Variants in PRKN observed in about 807,000 individuals in gnomAD.
PRKN encodes parkin RBR E3 ubiquitin protein ligase, also known as E3 ubiquitin-protein ligase parkin.
Under a neutral mutation model 59.5 loss-of-function variants are expected in PRKN, and 56 were observed. The ratio of observed to expected loss-of-function variants is 0.94; its 90% CI spans 0.76 to 1.18. PRKN has a LOEUF of 1.18. Among genes scored for constraint, PRKN ranks in the 50% most tolerant of loss-of-function variants. The pLI is 0.00. For synonymous variants in PRKN, 250 were observed against 222.1 expected, an observed-to-expected ratio of 1.13 and a Z score of -1.12; for missense variants, 657 against 596.4, an observed-to-expected ratio of 1.10 and a Z score of -1.06.
intron 3 of PRKN, among the ~76,000 whole-genome samples, chr6:162,229,386 C>G (rs1215704730): frequency 2.0e-5 from 3 of 152,190 alleles, no homozygotes; most frequent in Non-Finnish European, 4.4e-5. Flanking sequence ...GACCACCTCT[C>G]ACCACCTTCA....
At position 162,056,003 on chromosome 6, in the gene PRKN, ACACAGGCATGCACG is replaced by A. The variant is rs1777845610; in HGVS notation, c.535-1843_535-1830del. Among the ~76,000 whole-genome samples, 3 of 38,250 alleles carry A rather than the reference ACACAGGCATGCACG, an allele frequency of 7.8e-5. No individual in the cohort carries two copies. The highest frequency in any genetic ancestry group is 5.8e-4 in the Admixed American group (1 of 1,724). The allele number at this position is 38,250 out of a possible 152,430, so 25.1% of individuals were successfully genotyped here. ...ACCACACACACTCAGGCATGCACGC[ACACAGGCATGCACG>A]CACACAGCATGCCACACACCACACA... On this transcript the variant is annotated intron_variant, in intron 4 of 11. Coordinates refer to ENST00000366898, the MANE Select transcript of PRKN (RefSeq NM_004562.3). The surrounding 1 kb of genome is among the most constrained non-coding windows in gnomAD (Gnocchi z 4.9).
Position 161,552,539 on chromosome 6 carries a change from CT to C in PRKN, c.934-3537del, listed in dbSNP as rs1780066599. ...CTGCATCACCGAACTGCTCAACCTA[CT>C]TTTTTGTCTTGACCTGTCCAAATCC... On this transcript the variant is annotated intron_variant, in intron 8 of 11. Transcript: ENST00000366898. The surrounding 1 kb of genome is among the most constrained non-coding windows in gnomAD (Gnocchi z 4.9). Among the ~76,000 whole-genome samples, 1 of 151,964 alleles carries C rather than the reference CT, an allele frequency of 6.6e-6. No individual in the cohort carries two copies. The highest frequency in any genetic ancestry group is 2.1e-4 in the South Asian group (1 of 4,820).
chr6:161,833,244 G>A (rs1583222348), intron 6 of PRKN, among the ~76,000 whole-genome samples: 1 of 151,994 alleles, frequency 6.6e-6, no homozygotes, highest in Non-Finnish European at 1.5e-5. Context: ...TCCCTGGAAT[G>A]GGGCACCGCC....
At chr6:161,805,934 C>T (rs980226685) in intron 6 of PRKN, among the ~76,000 whole-genome samples, 2 of 152,208 alleles carry the variant, frequency 1.3e-5, no homozygotes, top group Admixed American at 6.5e-5. Context: ...TGCCTGTCAG[C>T]AGCTCTGCTT....
chr6:162,085,440 C>T lies in PRKN; in HGVS notation c.535-31266G>A, dbSNP rs141450485. Among the ~76,000 whole-genome samples, 40 of 152,138 alleles carry T rather than the reference C, an allele frequency of 2.6e-4. No homozygotes were observed. The East Asian group carries it at 6.4e-3, about 24-fold the overall frequency. On this transcript the variant is annotated intron_variant, in intron 4 of 11. Transcript: ENST00000366898. ...TATTGAAATGATTTTCATGCATCTA[C>T]TGTGTGTTAAACTTTGTATTAAATG...
intron 7 of PRKN, among the ~76,000 whole-genome samples, chr6:161,765,671 G>A (rs893545544): frequency 6.6e-6 from 1 of 152,046 alleles, no homozygotes; most frequent in Non-Finnish European, 1.5e-5. Flanking sequence ...TGTGATGATG[G>A]TGGTGGTATT....
intron 1 of PRKN, among the ~76,000 whole-genome samples, chr6:162,514,880 T>C (rs1262414331): frequency 6.6e-6 from 1 of 152,172 alleles, no homozygotes; most frequent in Non-Finnish European, 1.5e-5. Flanking sequence ...AATCTATTCA[T>C]GTAGTATAAG....
chr6:161,421,512 A>G (rs1209739795), intron 9 of PRKN, among the ~76,000 whole-genome samples: 2 of 152,152 alleles, frequency 1.3e-5, no homozygotes, highest in Non-Finnish European at 2.9e-5. Flanking sequence ...GTGGATAGAG[A>G]GTATGTTGTA....
Position 162,536,107 on chromosome 6 carries a change from A to G in PRKN, c.8-92634T>C, listed in dbSNP as rs1305505075. 2.0e-5 allele frequency among the ~76,000 whole-genome samples: 3 copies of G among 152,112 alleles called. No homozygotes were observed. The East Asian group carries it at 5.8e-4, about 29-fold the overall frequency. On this transcript the variant is annotated intron_variant, in intron 1 of 11. Coordinates refer to ENST00000366898, the MANE Select transcript of PRKN (RefSeq NM_004562.3). ...ACTGTTCCCAAAGCTTTCTGCTTAC[A>G]ACTTAAGGCCAAACCAAAGAGCCGT...
chr6:162,554,445 T>A (rs781242118), intron 1 of PRKN, among the ~76,000 whole-genome samples: 27 of 152,100 alleles, frequency 1.8e-4, no homozygotes, highest in Non-Finnish European at 3.8e-4. Flanking sequence ...GAGTTTGCAG[T>A]GAGCCGAGAT....
intron 1 of PRKN, among the ~76,000 whole-genome samples, chr6:162,657,461 A>AT (rs1292840844): frequency 6.6e-6 from 1 of 152,172 alleles, no homozygotes; most frequent in Non-Finnish European, 1.5e-5. Flanking sequence ...GTTTTATTAC[A>AT]TTCATTTAAT....
chr6:161,570,055 A>C (rs929001299), intron 7 of PRKN, among the ~76,000 whole-genome samples: 14 of 149,504 alleles, frequency 9.4e-5, no homozygotes, highest in Non-Finnish European at 1.5e-5. Context: ...CGTTCCACCC[A>C]ATCAATCCAA....
intron 2 of PRKN, among the ~76,000 whole-genome samples, chr6:162,345,013 C>T (rs760385358): frequency 2.0e-5 from 3 of 152,128 alleles, no homozygotes; most frequent in Non-Finnish European, 2.9e-5. Context: ...AGGACAAGAC[C>T]GCAGCTCCAC....
At chr6:162,465,183 G>T (rs1791359937) in intron 1 of PRKN, among the ~76,000 whole-genome samples, 1 of 152,208 alleles carries the variant, frequency 6.6e-6, no homozygotes, top group Non-Finnish European at 1.5e-5. Flanking sequence ...CAGTGAAGTG[G>T]TGAAATCAAC....
intron 2 of PRKN, among the ~76,000 whole-genome samples, chr6:162,388,583 G>C (rs144265735): frequency 6.6e-6 from 1 of 152,144 alleles, no homozygotes; most frequent in Non-Finnish European, 1.5e-5. Context: ...CTAAGGACAG[G>C]TGTGTTAATA....
intron 1 of PRKN, among the ~76,000 whole-genome samples, chr6:162,596,795 T>TA (rs1210738690): frequency 6.6e-6 from 1 of 152,136 alleles, no homozygotes; most frequent in Non-Finnish European, 1.5e-5. Context: ...AGAGAAAGCT[T>TA]AGATTCTCCT....
chr6:161,389,088 T>C (rs1786391413), intron 9 of PRKN, among the ~76,000 whole-genome samples: 1 of 152,214 alleles, frequency 6.6e-6, no homozygotes, highest in South Asian at 2.1e-4. Flanking sequence ...CAGGACTGAT[T>C]TGAATTGAAA....
chr6:161,403,134 C>T (rs1279856272), intron 9 of PRKN, among the ~76,000 whole-genome samples: 1 of 152,130 alleles, frequency 6.6e-6, no homozygotes, highest in Non-Finnish European at 1.5e-5. Flanking sequence ...GTTCTCAGTG[C>T]TGGGCGCCCT....
chr6:161,350,922 AT>A (rs1161498075), intron 11 of PRKN, among the ~76,000 whole-genome samples: 1 of 89,730 alleles, frequency 1.1e-5, no homozygotes, highest in Non-Finnish European at 1.9e-5. Flanking sequence ...ATATATTTAT[AT>A]TTAAAATATA....
Sources: gnomAD v4.1 joint callset for allele counts (sites outside exome capture counted in the v4.1 genomes callset) on GRCh38, gnomAD v4.1.1 for gene constraint, Gnocchi (gnomAD v3.1) non-coding constraint, MANE v1.5 for transcripts, NCBI Gene and HGNC (gene_info 2026-07-23, HGNC 2026-07-21) for gene names.